The following MACROD2 variants were observed in gnomAD, a reference collection of about 807,000 sequenced individuals.
The protein encoded by MACROD2 is mono-ADP ribosylhydrolase 2, also known as ADP-ribose glycohydrolase MACROD2.
MACROD2 carries 36 observed loss-of-function variants against 70.4 expected under a neutral mutation model. The observed-to-expected ratio is 0.51, with a 90% confidence interval of 0.39 to 0.68. MACROD2 has a LOEUF of 0.68. MACROD2 is among the 30% of genes least tolerant of loss of function. MACROD2 has a pLI of 0.00. For missense variants in MACROD2, 496 were observed against 538.4 expected (o/e 0.92, Z 0.78); for synonymous variants, 172 against 178.8 (o/e 0.96, Z 0.30).
At chr20:15,428,182 G>C (rs1399964715) in intron 6 of MACROD2, among the ~76,000 whole-genome samples, 1 of 152,134 alleles carries the variant, frequency 6.6e-6, no homozygotes, top group Admixed American at 6.5e-5. Flanking sequence ...ACCCTTTGAG[G>C]CAGGCCTCAG....
intron 2 of MACROD2, among the ~76,000 whole-genome samples, chr20:14,065,570 T>C (rs1358382554): frequency 6.6e-6 from 1 of 152,232 alleles, no homozygotes; most frequent in African/African-American, 2.4e-5. Flanking sequence ...CTCCTGCCAG[T>C]TGACGTTTAT....
intron 5 of MACROD2, among the ~76,000 whole-genome samples, chr20:14,770,516 G>GA (rs2072151329): frequency 6.6e-6 from 1 of 151,974 alleles, no homozygotes; most frequent in Non-Finnish European, 1.5e-5. Context: ...TACACTTTTT[G>GA]AGTGACTAAT....
intron 3 of MACROD2, among the ~76,000 whole-genome samples, chr20:14,158,860 C>T (rs1406252022): frequency 5.9e-5 from 9 of 152,104 alleles, no homozygotes; most frequent in African/African-American, 1.2e-4. Flanking sequence ...CCAGCTTTGT[C>T]GTTTTTGCTC....
rs576436805 is a variant in MACROD2 at position 15,372,565 on chromosome 20, C to G, written c.541-58840C>G. Among the ~76,000 whole-genome samples, 7 of 152,200 alleles carry G rather than the reference C, an allele frequency of 4.6e-5. No individual in the cohort carries two copies. The South Asian group carries it at 6.2e-4, about 14-fold the overall frequency. ...TTCCCTAGTAGGTTAACATCTTTTT[C>G]TAGATGCCATGTAGGAGTTCCTTAC... On this transcript the variant is annotated intron_variant, in intron 6 of 17. Transcript: ENST00000684519.
At chr20:15,333,927 A>G (rs1214106842) in intron 6 of MACROD2, among the ~76,000 whole-genome samples, 1 of 151,664 alleles carries the variant, frequency 6.6e-6, no homozygotes, top group Admixed American at 6.6e-5. Flanking sequence ...GCTTCAAGAA[A>G]ATTTCAAAAG....
chr20:14,144,354 A>T (rs1249207195), intron 3 of MACROD2, among the ~76,000 whole-genome samples: 1 of 152,160 alleles, frequency 6.6e-6, no homozygotes, highest in African/African-American at 2.4e-5. Flanking sequence ...TTAGTTTTGT[A>T]CTGGAATATT....
chr20:15,205,577 A>G (rs112417492), intron 5 of MACROD2, among the ~76,000 whole-genome samples: 1 of 149,074 alleles, frequency 6.7e-6, no homozygotes, highest in African/African-American at 2.4e-5. Flanking sequence ...TGTTACTTCA[A>G]AGAAAGAAGA....
chr20:14,227,253 T>A (rs527863290), intron 3 of MACROD2, among the ~76,000 whole-genome samples: 1 of 152,112 alleles, frequency 6.6e-6, no homozygotes, highest in Non-Finnish European at 1.5e-5. Flanking sequence ...TGGGGCCAGA[T>A]AAGAGAATAA....
intron 5 of MACROD2, chr20:14,935,490 G>A (rs558147161): frequency 6.6e-6 from 1 of 152,222 alleles, no homozygotes; most frequent in South Asian, 2.1e-4. Flanking sequence ...CCCTAATGTA[G>A]CCAGTGAAAA....
At chr20:14,451,919 A>T (rs1416996586) in intron 3 of MACROD2, among the ~76,000 whole-genome samples, 3 of 152,140 alleles carry the variant, frequency 2.0e-5, no homozygotes, top group African/African-American at 7.2e-5. Context: ...AATTTTATAA[A>T]AATTCTGTGG....
At chr20:14,029,072 G>C (rs971063910) in intron 2 of MACROD2, among the ~76,000 whole-genome samples, 2 of 152,148 alleles carry the variant, frequency 1.3e-5, no homozygotes, top group Non-Finnish European at 2.9e-5. Context: ...GTTAATGAAA[G>C]GTTTTCAGAC....
intron 3 of MACROD2, among the ~76,000 whole-genome samples, chr20:14,143,938 A>G (rs2054910047): frequency 6.6e-6 from 1 of 152,298 alleles, no homozygotes; most frequent in Admixed American, 6.5e-5. Flanking sequence ...TTCAAAGTCA[A>G]AATAATTAAG....
chr20:15,105,396 G>A (rs1446268811), intron 5 of MACROD2, among the ~76,000 whole-genome samples: 1 of 152,078 alleles, frequency 6.6e-6, no homozygotes, highest in Non-Finnish European at 1.5e-5. Context: ...TCTGTGAAAA[G>A]GGGAATAAAG....
At chr20:14,721,210 G>A (rs1338780395) in intron 5 of MACROD2, among the ~76,000 whole-genome samples, 10 of 148,446 alleles carry the variant, frequency 6.7e-5, no homozygotes, top group African/African-American at 1.2e-4. Context: ...AGCCGAGATC[G>A]TGCCACTTCA....
At chr20:15,569,979 T>C (rs1289720505) in intron 8 of MACROD2, among the ~76,000 whole-genome samples, 1 of 152,224 alleles carries the variant, frequency 6.6e-6, no homozygotes, top group Non-Finnish European at 1.5e-5. Context: ...GACATATTAA[T>C]TTTATTTCCT....
chr20:14,131,479 A>G (rs1354882023), intron 3 of MACROD2, among the ~76,000 whole-genome samples: 2 of 152,208 alleles, frequency 1.3e-5, no homozygotes, highest in Non-Finnish European at 1.5e-5. Flanking sequence ...GCAGCTTTAC[A>G]AGAAGTGGTA....
intron 8 of MACROD2, among the ~76,000 whole-genome samples, chr20:15,500,944 C>G (rs1456073247): frequency 6.6e-6 from 1 of 152,086 alleles, no homozygotes; most frequent in Non-Finnish European, 1.5e-5. Flanking sequence ...GCTAAAATAG[C>G]CAGCTTACAA....
chr20:14,362,375 T>G (rs1025800686), intron 3 of MACROD2, among the ~76,000 whole-genome samples: 1 of 152,180 alleles, frequency 6.6e-6, no homozygotes, highest in Non-Finnish European at 1.5e-5. Context: ...ACTTCCCATG[T>G]GTGCTATGTG....
intron 5 of MACROD2, among the ~76,000 whole-genome samples, chr20:14,837,963 A>G (rs1266320627): frequency 6.6e-6 from 1 of 150,986 alleles, no homozygotes; most frequent in East Asian, 1.9e-4. Context: ...AACAAAACAA[A>G]ACAAAACAAA....
Sources: allele counts gnomAD v4.1 joint callset (sites outside exome capture counted in the v4.1 genomes callset), GRCh38; gene constraint gnomAD v4.1.1; transcripts MANE v1.5; gene names NCBI Gene and HGNC (gene_info 2026-07-23, HGNC 2026-07-21).